The following EML6 variants were observed in gnomAD, a reference collection of about 807,000 sequenced individuals.
The protein encoded by EML6 is EMAP like 6.
EML6 carries 154 observed loss-of-function variants against 240.1 expected under a neutral mutation model. The observed-to-expected ratio is 0.64, with a 90% CI of 0.56 to 0.73. The LOEUF (loss-of-function observed/expected upper bound fraction) is 0.73. EML6 is among the 30% of genes least tolerant of loss of function. EML6 has a pLI of 0.00. For synonymous variants in EML6, 1,148 were observed against 899.0 expected, an observed-to-expected ratio of 1.28 and a Z score of -4.95; for missense variants, 2,964 against 2,474.6, an observed-to-expected ratio of 1.20 and a Z score of -4.20.
At chr2:54,951,202 C>T (rs7565735) in intron 30 of EML6, among the ~76,000 whole-genome samples, 96,696 of 152,064 alleles carry the variant, frequency 0.64, 34,698 homozygotes, top group Non-Finnish European at 0.81. Flanking sequence ...ACAGTTTAGC[C>T]ACATTTATAA....
intron 26 of EML6, among the ~76,000 whole-genome samples, chr2:54,917,451 G>C (rs1160435263): frequency 7.0e-6 from 1 of 143,410 alleles, no homozygotes; most frequent in Non-Finnish European, 1.5e-5. Context: ...CGCAACTTCT[G>C]CCTCCCAGGT....
At chr2:54,968,902 C>T (rs890822993) in intron 41 of EML6, 134 bp downstream of exon 41, 8 of 592,588 alleles carry the variant, frequency 1.4e-5, no homozygotes, top group Admixed American at 2.9e-5. Context: ...CAGGAAATTC[C>T]ATGAGTCCTC....
intron 2 of EML6, among the ~76,000 whole-genome samples, chr2:54,793,177 G>A (rs1044904953): frequency 6.6e-6 from 1 of 152,146 alleles, no homozygotes; most frequent in Non-Finnish European, 1.5e-5. Context: ...TGAGGCAGGA[G>A]AATTGCTTGA....
At chr2:54,911,866 C>G (rs1673660736) in intron 25 of EML6, among the ~76,000 whole-genome samples, 1 of 152,184 alleles carries the variant, frequency 6.6e-6, no homozygotes, top group South Asian at 2.1e-4. Flanking sequence ...GAAATCAAAG[C>G]CTAGATAAAA....
chr2:54,818,759 T>C (rs938911344), intron 4 of EML6, among the ~76,000 whole-genome samples: 1 of 152,088 alleles, frequency 6.6e-6, no homozygotes, highest in African/African-American at 2.4e-5. Flanking sequence ...TAGTGATGAG[T>C]CTGTAATCTT....
At chr2:54,789,426 A>G (rs1176180205) in intron 2 of EML6, among the ~76,000 whole-genome samples, 4 of 140,280 alleles carry the variant, frequency 2.9e-5, no homozygotes, top group Non-Finnish European at 6.1e-5. Context: ...AGGCAGGAGA[A>G]TGGCGTGAAC....
At position 54,933,306 on chromosome 2, in the gene EML6, G is replaced by C. The variant is rs188959105; in HGVS notation, c.4004+4555G>C. Among the ~76,000 whole-genome samples, 156 of 152,262 alleles carry C rather than the reference G, an allele frequency of 1.0e-3. 3 individuals carry two copies. Among genetic ancestry groups the C allele is most frequent in the Admixed American group, 9.2e-3 (141 of 15,302 alleles). On this transcript the variant is annotated intron_variant, in intron 28 of 41. Coordinates refer to ENST00000356458, the MANE Select transcript of EML6 (RefSeq NM_001039753.4). ...AATAGTCACCTGCCACCATAGACTA[G>C]CAATGTAATCACTTCACCTCTCTGT...
intron 7 of EML6, among the ~76,000 whole-genome samples, chr2:54,840,724 A>G (rs576328421): frequency 9.8e-5 from 15 of 152,362 alleles, no homozygotes; most frequent in African/African-American, 3.6e-4. Flanking sequence ...TTGAGCATCT[A>G]CCACGTGACA....
At position 54,927,181 on chromosome 2, in the gene EML6, G is replaced by C. The variant is rs556000022; in HGVS notation, c.3676-1132G>C. Among the ~76,000 whole-genome samples the C allele has an allele frequency of 1.5e-3, 231 of 152,302 alleles. 2 individuals are homozygous for C. Among genetic ancestry groups the C allele is most frequent in the African/African-American group, 5.5e-3 (229 of 41,568 alleles). Reference sequence around the variant, plus strand: ...AAATCCTACCTGCCTGTTTGCTTCAGGAATCTTTCTAGGCTCAGTACTCTG... The same window carrying C: ...AAATCCTACCTGCCTGTTTGCTTCACGAATCTTTCTAGGCTCAGTACTCTG... On this transcript the variant is annotated intron_variant, in intron 26 of 41. Coordinates refer to ENST00000356458, the MANE Select transcript of EML6 (RefSeq NM_001039753.4).
At chr2:54,827,033 C>T (rs1012308205) in intron 5 of EML6, among the ~76,000 whole-genome samples, 1 of 152,126 alleles carries the variant, frequency 6.6e-6, no homozygotes. Context: ...ATTAGCTGAG[C>T]TTGGTGGTGC....
At position 54,820,514 on chromosome 2, in the gene EML6, G is replaced by T. The variant is rs1668282952; in HGVS notation, c.525+52G>T. On this transcript the variant is annotated intron_variant, in intron 5 of 41. Transcript: ENST00000356458. ...GTACCTTGAGTGCAAATAATTTTAG[G>T]TGTTTGTATAGATAATTTGATGTTG... 4 of 1,083,656 alleles carry T rather than the reference G, an allele frequency of 3.7e-6. No individual in the cohort carries two copies. The South Asian group carries it at 5.7e-5, about 15-fold the overall frequency. The allele number at this position is 1,083,656 out of a possible 1,614,324, so 67.1% of individuals were successfully genotyped here. A position where few individuals can be genotyped will look rare whatever the true frequency, so the allele number is the denominator to read the frequency against.
intron 24 of EML6, among the ~76,000 whole-genome samples, chr2:54,909,336 T>C (rs1325941771): frequency 2.6e-5 from 4 of 152,206 alleles, no homozygotes; most frequent in Admixed American, 1.3e-4. Context: ...ACTAACTCCC[T>C]TTTTTCTTTT....
chr2:54,877,135 A>T (rs1368692409), intron 16 of EML6, among the ~76,000 whole-genome samples: 2 of 151,962 alleles, frequency 1.3e-5, no homozygotes, highest in African/African-American at 4.8e-5. Context: ...GATGCACACT[A>T]CCATGCTTAG....
intron 26 of EML6, among the ~76,000 whole-genome samples, chr2:54,928,053 A>G (rs1674650396): frequency 6.6e-6 from 1 of 152,228 alleles, no homozygotes; most frequent in African/African-American, 2.4e-5. Context: ...ATATGTCTAT[A>G]GATTCCCAGA....
intron 17 of EML6, among the ~76,000 whole-genome samples, chr2:54,883,801 C>T (rs1035820369): frequency 5.9e-5 from 9 of 152,166 alleles, no homozygotes; most frequent in Admixed American, 2.6e-4. Context: ...AGAAAAATGA[C>T]AGGTATGCAG....
At chr2:54,874,299 A>G (rs747342205) in intron 16 of EML6, among the ~76,000 whole-genome samples, 4 of 152,344 alleles carry the variant, frequency 2.6e-5, no homozygotes, top group East Asian at 3.9e-4. Flanking sequence ...CCTTTTTCCC[A>G]TAAGGCAGCC....
At chr2:54,921,711 A>T (rs546774698) in intron 26 of EML6, among the ~76,000 whole-genome samples, 2 of 152,250 alleles carry the variant, frequency 1.3e-5, no homozygotes, top group African/African-American at 4.8e-5. Context: ...ATCAAAATGT[A>T]TGGTACTGAC....
intron 17 of EML6, among the ~76,000 whole-genome samples, chr2:54,888,087 A>G (rs1672251295): frequency 6.6e-6 from 1 of 152,240 alleles, no homozygotes; most frequent in Non-Finnish European, 1.5e-5. Context: ...GCTTTTGTGA[A>G]AAGAAAGACT....
At position 54,928,745 on chromosome 2, in the gene EML6, A is replaced by T; in HGVS notation, c.3998A>T (p.Glu1333Val). ...CAGCAGCTGAAGGAAGTTTCCGTGG[A>T]AGAAAGGTATGGTGTTGCCAGGTTT... Reference protein sequence around the residue: ...PHQQLKEVSVEERPPVSRAAP... With the variant: ...PHQQLKEVSVVERPPVSRAAP... The change falls in exon 28 of 42, where the codon GAA (glutamate) becomes GTA (valine). Residue 1333 changes from glutamate to valine, a missense_variant. By Grantham distance (121) the Glu-to-Val change is moderately radical. Coordinates refer to ENST00000356458, the MANE Select transcript of EML6 (RefSeq NM_001039753.4). 2 of 1,551,842 alleles carry T rather than the reference A, an allele frequency of 1.3e-6. No homozygotes were observed. The highest frequency in any genetic ancestry group is 1.7e-6 in the Non-Finnish European group (2 of 1,147,038).
Sources: allele counts gnomAD v4.1 joint callset (sites outside exome capture counted in the v4.1 genomes callset), GRCh38; gene constraint gnomAD v4.1.1; transcripts MANE v1.5; gene names NCBI Gene and HGNC (gene_info 2026-07-23, HGNC 2026-07-21).